The following SULF1 variants were observed in gnomAD, a reference collection of about 807,000 sequenced individuals.
The protein encoded by SULF1 is extracellular sulfatase Sulf-1.
In SULF1, 46 loss-of-function variants were observed where a neutral mutation model predicts 110.5. The observed-to-expected ratio is 0.42, with a 90% confidence interval of 0.33 to 0.53. The LOEUF is 0.53. Among genes scored for constraint, SULF1 ranks in the 20% least tolerant of loss-of-function variants. SULF1 has a pLI of 0.12. For missense variants in SULF1, 941 were observed against 1,094.2 expected, an observed-to-expected ratio of 0.86 and a Z score of 1.98; for synonymous variants, 371 against 387.1, an observed-to-expected ratio of 0.96 and a Z score of 0.49.
intron 6 of SULF1, among the ~76,000 whole-genome samples, chr8:69,584,258 A>G (rs1806287490): frequency 6.6e-6 from 1 of 152,206 alleles, no homozygotes; most frequent in East Asian, 1.9e-4. Flanking sequence ...GCAAGTTACC[A>G]GGGATGGCAG....
At chr8:69,556,003 G>A (rs878876981) in intron 3 of SULF1, among the ~76,000 whole-genome samples, 2 of 152,102 alleles carry the variant, frequency 1.3e-5, no homozygotes, top group Admixed American at 6.6e-5. Context: ...CGAATCTGTC[G>A]AAAGTATATT....
chr8:69,563,497 ATTGACT>A (rs1815656954), intron 3 of SULF1, 36 bp from the exon 4 acceptor site: 1 of 155,702 alleles, frequency 6.4e-6, no homozygotes, highest in Non-Finnish European at 1.4e-5. Context: ...TTTTAAAATC[ATTGACT>A]GATATTTCCT....
chr8:69,519,296 C>T (rs1272349482), intron 3 of SULF1, among the ~76,000 whole-genome samples: 2 of 152,112 alleles, frequency 1.3e-5, no homozygotes, highest in African/African-American at 4.8e-5. Flanking sequence ...ACATATGAAG[C>T]ATAGCATATA....
intron 6 of SULF1, among the ~76,000 whole-genome samples, chr8:69,580,471 A>G (rs1389910902): frequency 6.6e-6 from 1 of 152,224 alleles, no homozygotes; most frequent in South Asian, 2.1e-4. Context: ...GTGGAATCAC[A>G]TTCTACCTTG....
intron 8 of SULF1, among the ~76,000 whole-genome samples, chr8:69,600,241 A>G (rs1807685380): frequency 1.3e-5 from 2 of 152,286 alleles, no homozygotes; most frequent in South Asian, 4.1e-4. Flanking sequence ...TTAACATCAT[A>G]TGAGGATATT....
At chr8:69,490,027 G>T (rs552970309), upstream of SULF1, among the ~76,000 whole-genome samples, 3 of 152,004 alleles carry the variant, frequency 2.0e-5, no homozygotes, top group South Asian at 6.3e-4. Context: ...TGAAGTTAAT[G>T]CTGGGCCTGT....
intron 1 of SULF1, among the ~76,000 whole-genome samples, chr8:69,473,713 A>G (rs1809189524): frequency 2.0e-5 from 3 of 152,194 alleles, no homozygotes; most frequent in Admixed American, 2.0e-4. Flanking sequence ...GATTTCATCT[A>G]CTGTCATGTA....
At chr8:69,475,976 A>G (rs1346947032) in intron 1 of SULF1, among the ~76,000 whole-genome samples, 1 of 152,178 alleles carries the variant, frequency 6.6e-6, no homozygotes, top group Non-Finnish European at 1.5e-5. Flanking sequence ...GAAGTTACGG[A>G]TATTCGAGTC....
chr8:69,566,929 T>G (rs1281113228), intron 5 of SULF1, among the ~76,000 whole-genome samples: 6 of 152,202 alleles, frequency 3.9e-5, no homozygotes, highest in Admixed American at 3.9e-4. Context: ...AATTTAGGTA[T>G]GAGAAAAATG....
intron 3 of SULF1, among the ~76,000 whole-genome samples, chr8:69,544,326 T>C (rs1422012918): frequency 6.6e-6 from 1 of 152,080 alleles, no homozygotes; most frequent in African/African-American, 2.4e-5. Flanking sequence ...TGGAGTACAG[T>C]GCCACGATCT....
At chr8:69,531,689 C>T (rs1813092353) in intron 3 of SULF1, among the ~76,000 whole-genome samples, 1 of 152,170 alleles carries the variant, frequency 6.6e-6, no homozygotes, top group Non-Finnish European at 1.5e-5. Context: ...CTGCGGATAA[C>T]CTGTGTCTTC....
chr8:69,620,240 A>T lies in SULF1; in HGVS notation c.1378-795A>T, dbSNP rs75106297. On this transcript the variant is annotated intron_variant, in intron 13 of 22. Coordinates refer to ENST00000402687, the MANE Select transcript of SULF1 (RefSeq NM_001128205.2). ...CTGCCACCTTGTTCCACCATTCGTC[A>T]GCTTGTCTCCTCATCTCCTTGTCTG... Among the ~76,000 whole-genome samples the T allele has an allele frequency of 3.0e-4, 45 of 152,202 alleles. 1 individual carries two copies. In the East Asian group the frequency reaches 8.1e-3, roughly 28 times the overall value.
At chr8:69,565,660 T>A (rs934643268) in intron 5 of SULF1, among the ~76,000 whole-genome samples, 11 of 152,150 alleles carry the variant, frequency 7.2e-5, no homozygotes, top group Non-Finnish European at 1.6e-4. Context: ...TTCACTCAAT[T>A]GCCAGAGTTA....
chr8:69,624,428 C>A (rs774277750), intron 15 of SULF1, among the ~76,000 whole-genome samples: 1 of 152,348 alleles, frequency 6.6e-6, no homozygotes, highest in South Asian at 2.1e-4. Context: ...GCTAGGAATC[C>A]AGCCAGAGTA....
intron 13 of SULF1, among the ~76,000 whole-genome samples, chr8:69,606,445 C>A (rs1808226395): frequency 6.6e-6 from 1 of 152,154 alleles, no homozygotes; most frequent in Admixed American, 6.5e-5. Flanking sequence ...TATGAGCTAG[C>A]CTCAATAGAC....
chr8:69,594,823 T>C (rs1678867795), intron 8 of SULF1, among the ~76,000 whole-genome samples: 1 of 152,202 alleles, frequency 6.6e-6, no homozygotes, highest in Non-Finnish European at 1.5e-5. Context: ...TTGGTGTTGC[T>C]TGTTTACTTA....
At chr8:69,571,573 A>G (rs935922313) in intron 5 of SULF1, among the ~76,000 whole-genome samples, 2 of 152,210 alleles carry the variant, frequency 1.3e-5, no homozygotes, top group African/African-American at 4.8e-5. Flanking sequence ...AATTGTTGTA[A>G]TAACTGAGAA....
intron 19 of SULF1, among the ~76,000 whole-genome samples, chr8:69,637,122 A>C (rs901079458): frequency 6.6e-6 from 1 of 152,234 alleles, no homozygotes; most frequent in African/African-American, 2.4e-5. Context: ...TAAGGCACCC[A>C]CTTACCGAGC....
chr8:69,628,334 C>G (rs767465308), intron 18 of SULF1, 98 bp downstream of exon 18: 1 of 1,012,970 alleles, frequency 9.9e-7, no homozygotes, highest in Admixed American at 1.9e-5. Context: ...CCTGCAGTGC[C>G]GCTTCAGAAG....
Sources: gnomAD v4.1 joint callset for allele counts (sites outside exome capture counted in the v4.1 genomes callset) on GRCh38, gnomAD v4.1.1 for gene constraint, MANE v1.5 for transcripts, NCBI Gene and HGNC (gene_info 2026-07-23, HGNC 2026-07-21) for gene names.